MTMR12: variants seen among roughly 807,000 people sequenced by gnomAD.
MTMR12 encodes myotubularin related protein 12, also known as myotubularin-related protein 12.
MTMR12 carries 33 observed loss-of-function variants against 96.7 expected under a neutral mutation model. The observed-to-expected ratio is 0.34, with a 90% confidence interval of 0.26 to 0.46. The LOEUF (loss-of-function observed/expected upper bound fraction) is 0.46, where lower values mean the gene tolerates loss of function less well. MTMR12 is among the 20% of genes least tolerant of loss of function. The probability of loss-of-function intolerance (pLI) is 1.00; values close to 1 mark genes in which losing one functional copy is unlikely to be tolerated. For missense variants in MTMR12, 721 were observed against 896.1 expected (o/e 0.80, Z 2.49); for synonymous variants, 298 against 327.2 (o/e 0.91, Z 0.96).
chr5:32,307,535 C>A (rs1390104596), intron 1 of MTMR12, among the ~76,000 whole-genome samples: 1 of 152,166 alleles, frequency 6.6e-6, no homozygotes, highest in South Asian at 2.1e-4. Flanking sequence ...AACATGTAAT[C>A]CCCTGAGCAG....
rs761565949 is a variant in MTMR12 at position 32,230,012 on chromosome 5, T to C, written c.2010A>G (p.Glu670=). ...TLSKLLEMME[E]VQSLQEKIDE... ...CGATCTTCTCTTGTAAACTCTGGAC[T>C]TCCTCCATCATTTCCAAGAGTTTGC... Residue 670 remains glutamate, a synonymous_variant, in exon 16 of 16, where the codon GAA becomes GAG. Transcript: ENST00000382142. 3.7e-6 allele frequency: 6 copies of C among 1,613,624 alleles called. No homozygotes were observed. Among genetic ancestry groups the C allele is most frequent in the Non-Finnish European group, 5.1e-6 (6 of 1,179,558 alleles).
chr5:32,256,978 A>G (rs1749163748), intron 7 of MTMR12, among the ~76,000 whole-genome samples: 1 of 152,226 alleles, frequency 6.6e-6, no homozygotes, highest in Admixed American at 6.5e-5. Context: ...TGACAGAGAA[A>G]GGGTTTAAAA....
At chr5:32,258,443 T>C (rs1749225987) in intron 7 of MTMR12, among the ~76,000 whole-genome samples, 1 of 152,188 alleles carries the variant, frequency 6.6e-6, no homozygotes, top group Non-Finnish European at 1.5e-5. Context: ...AGATTACCAA[T>C]GTCCAGGCTC....
intron 7 of MTMR12, among the ~76,000 whole-genome samples, chr5:32,260,749 G>T (rs1485008580): frequency 6.6e-6 from 1 of 151,386 alleles, no homozygotes; most frequent in African/African-American, 2.4e-5. Context: ...GGGGACCAGT[G>T]GCAGCAACCT....
chr5:32,291,600 C>A (rs373594531), intron 1 of MTMR12, among the ~76,000 whole-genome samples: 7 of 152,212 alleles, frequency 4.6e-5, no homozygotes, highest in African/African-American at 1.4e-4. Context: ...ATAGGGTGAC[C>A]CGTTCTGTGG....
At chr5:32,245,339 T>C (rs1290432042) in intron 10 of MTMR12, among the ~76,000 whole-genome samples, 1 of 152,060 alleles carries the variant, frequency 6.6e-6, no homozygotes, top group Non-Finnish European at 1.5e-5. Context: ...CCCAGCCCCC[T>C]TTAAGGATTT....
rs1344440322 is a variant in MTMR12, at chr5:32,230,291, T to C, written c.1731A>G (p.Gly577=). ...LTQSKSSPKR[G]FFREETDHLI... ...AATGATCTGTTTCTTCCCTGAAAAA[T>C]CCTCTTTTGGGAGATGACTTAGATT... The change falls in exon 16 of 16, where the codon GGA becomes GGG. Residue 577 remains glycine, a synonymous_variant. Transcript: ENST00000382142. The C allele has an allele frequency of 3.7e-6, 6 of 1,613,834 alleles. No individual in the cohort carries two copies.
At chr5:32,231,921 C>G (rs1180068965) in intron 15 of MTMR12, among the ~76,000 whole-genome samples, 1 of 152,232 alleles carries the variant, frequency 6.6e-6, no homozygotes, top group Non-Finnish European at 1.5e-5. Context: ...ACTTTACAAG[C>G]AAGGAAACTA....
chr5:32,270,989 A>G, intron 4 of MTMR12, 42 bp from the exon 5 acceptor site: 1 of 1,584,622 alleles, frequency 6.3e-7, no homozygotes, highest in Non-Finnish European at 8.6e-7. Context: ...ATTATGTTAC[A>G]CAGCAATAAG....
intron 1 of MTMR12, among the ~76,000 whole-genome samples, chr5:32,298,726 A>G (rs1018687513): frequency 6.6e-6 from 1 of 152,002 alleles, no homozygotes; most frequent in South Asian, 2.1e-4. Context: ...AGGCGGGCGG[A>G]TCATGAGGTC....
intron 1 of MTMR12, among the ~76,000 whole-genome samples, chr5:32,281,965 C>T (rs956201188): frequency 2.6e-5 from 4 of 150,968 alleles, no homozygotes; most frequent in African/African-American, 7.3e-5. Flanking sequence ...CACAAAAAAG[C>T]TTTCTCAGCT....
At position 32,243,012 on chromosome 5, in the gene MTMR12, C is replaced by A. The variant is rs572644158; in HGVS notation, c.1100+509G>T. Among the ~76,000 whole-genome samples the A allele has an allele frequency of 5.3e-5, 8 of 152,218 alleles. No homozygotes were observed. In the East Asian group the frequency reaches 1.5e-3, roughly 29 times the overall value. On this transcript the variant is annotated intron_variant, in intron 11 of 15. Transcript: ENST00000382142. Reference sequence around the variant, plus strand: ...GTTTTGCACCTTTCTCTGCCATATCCTCTATTTAATGGCAACAGAGAAGAG... The same window carrying A: ...GTTTTGCACCTTTCTCTGCCATATCATCTATTTAATGGCAACAGAGAAGAG...
chr5:32,299,754 T>C (rs1013274542), intron 1 of MTMR12, among the ~76,000 whole-genome samples: 3 of 152,146 alleles, frequency 2.0e-5, no homozygotes, highest in African/African-American at 7.2e-5. Flanking sequence ...GACCCTTGGA[T>C]TCTATTCCTC....
intron 1 of MTMR12, among the ~76,000 whole-genome samples, chr5:32,310,480 T>C (rs897079090): frequency 6.6e-6 from 1 of 152,172 alleles, no homozygotes; most frequent in South Asian, 2.1e-4. Context: ...TAAAAAAGAA[T>C]AAGATCCTGT....
chr5:32,270,984 GTT>G (rs1749810593), intron 4 of MTMR12, 37 bp from the exon 5 acceptor site: 1 of 1,588,158 alleles, frequency 6.3e-7, no homozygotes, highest in Non-Finnish European at 8.6e-7. Flanking sequence ...GGGAAATTAT[GTT>G]ACACAGCAAT....
At position 32,229,880 on chromosome 5, in the gene MTMR12, A is replaced by T; in HGVS notation, c.2142T>A (p.His714Gln). ...SLFPFALLQR[H>Q]SSKPVLPTSG... ...TGGTGGGTAAGACGGGCTTAGAGGAATGTCGCTGGAGCAGAGCGAAAGGAA... is the reference window on the plus strand; with the variant it reads ...TGGTGGGTAAGACGGGCTTAGAGGATTGTCGCTGGAGCAGAGCGAAAGGAA... Residue 714 changes from histidine to glutamine, a missense_variant, in exon 16 of 16, where the codon CAT (histidine) becomes CAA (glutamine). Coordinates refer to ENST00000382142, the MANE Select transcript of MTMR12 (RefSeq NM_001040446.3). 1.2e-6 allele frequency: 2 copies of T among 1,612,234 alleles called. No individual in the cohort carries two copies. The highest frequency in any genetic ancestry group is 1.7e-6 in the Non-Finnish European group (2 of 1,178,938).
At chr5:32,272,446 C>G (rs960039061) in intron 3 of MTMR12, among the ~76,000 whole-genome samples, 8 of 152,092 alleles carry the variant, frequency 5.3e-5, no homozygotes, top group African/African-American at 1.9e-4. Flanking sequence ...GTGGGGCAAT[C>G]TTGGCTCACT....
At position 32,230,143 on chromosome 5, in the gene MTMR12, A is replaced by G; in HGVS notation, c.1879T>C (p.Leu627=). 6.2e-7 allele frequency: 1 copy of G among 1,614,090 alleles called. No homozygotes were observed. The highest frequency in any genetic ancestry group is 1.1e-5 in the South Asian group (1 of 91,064). Residue 627 remains leucine (L), a synonymous_variant, in exon 16 of 16, where the codon TTG becomes CTG. Coordinates refer to ENST00000382142, the MANE Select transcript of MTMR12 (RefSeq NM_001040446.3). ...TCGGGCCCCTCGATATGCGGTAACA[A>G]CAAACCATGGTAGTCAGTGGACTTG... ...HSKSTDYHGL[L]LPHIEGPEIK...
chr5:32,273,788 G>A (rs1749938942), intron 3 of MTMR12, among the ~76,000 whole-genome samples, 192 bp downstream of exon 3: 1 of 152,258 alleles, frequency 6.6e-6, no homozygotes, highest in African/African-American at 2.4e-5. Flanking sequence ...GGGGAAAAAA[G>A]ACAACAGAGC....
Sources: allele counts gnomAD v4.1 joint callset (sites outside exome capture counted in the v4.1 genomes callset), GRCh38; gene constraint gnomAD v4.1.1; transcripts MANE v1.5; gene names NCBI Gene and HGNC (gene_info 2026-07-23, HGNC 2026-07-21).